The following H2BC18 variants were observed in gnomAD, a reference collection of about 807,000 sequenced individuals.
H2BC18 encodes histone H2B type 2-F.
A neutral mutation model predicts 6.3 loss-of-function variants in H2BC18; 8 were observed. The ratio of observed to expected loss-of-function variants is 1.28; its 90% CI spans 0.75 to 2.31. The LOEUF (loss-of-function observed/expected upper bound fraction) is 2.31. Ranked by LOEUF, H2BC18 falls within the 30% of genes most tolerant of loss-of-function variation. H2BC18 has a pLI of 0.00. For synonymous variants in H2BC18, 104 were observed against 78.1 expected (o/e 1.33, Z -1.75); for missense variants, 106 against 174.5 (o/e 0.61, Z 2.21).
chr1:149,793,565 G>A lies in H2BC18; in HGVS notation c.378-10305C>T, dbSNP rs186442935. ...GGGTCGGACTTAGAGGGGTGGTGGG[G>A]TGGAGGAATCTTTCTTCTCCCTGGG... On this transcript the variant is annotated intron_variant, in intron 1 of 1. Transcript: ENST00000545683. Among the ~76,000 whole-genome samples the A allele has an allele frequency of 5.9e-5, 9 of 152,130 alleles. No homozygotes were observed. In the East Asian group the frequency reaches 1.7e-3, roughly 29 times the overall value.
At chr1:149,793,895 A>G (rs2091769111) in intron 1 of H2BC18, 2 of 1,286,416 alleles carry the variant, frequency 1.6e-6, no homozygotes, top group South Asian at 1.2e-5. Flanking sequence ...AGTTGGGTCC[A>G]TTCTGGATCT....
chr1:149,801,698 C>G (rs1276267818), intron 1 of H2BC18, among the ~76,000 whole-genome samples: 1 of 150,296 alleles, frequency 6.7e-6, no homozygotes, highest in Admixed American at 6.6e-5. Flanking sequence ...TCTACCCTGC[C>G]AGGAGGGCCA....
chr1:149,811,768 G>A (rs1468841015), downstream of H2BC18: 16 of 678,782 alleles, frequency 2.4e-5, no homozygotes, highest in Non-Finnish European at 4.0e-5. Flanking sequence ...AGGACTACAG[G>A]AAACTCCTTA....
At chr1:149,798,612 C>T (rs1166888058) in intron 1 of H2BC18, among the ~76,000 whole-genome samples, 4 of 148,878 alleles carry the variant, frequency 2.7e-5, no homozygotes, top group Non-Finnish European at 6.0e-5. Flanking sequence ...ATTTTTAAAC[C>T]GACTTTAAAA....
Position 149,812,358 on chromosome 1 carries a change from A to G in H2BC18, c.-35T>C, listed in dbSNP as rs1553754691. 2 of 1,613,976 alleles carry G rather than the reference A, an allele frequency of 1.2e-6. No individual in the cohort carries two copies. Among genetic ancestry groups the G allele is most frequent in the Non-Finnish European group, 1.7e-6 (2 of 1,179,940 alleles). On this transcript the variant is annotated 5_prime_UTR_variant, in exon 1 of 1. Transcript: ENST00000369167. ...AAAAAAGAGAAAAGAGACTTAAAGAAGTAATCCGAACTACCGCAAAACGGG... is the reference window on the plus strand; with the variant it reads ...AAAAAAGAGAAAAGAGACTTAAAGAGGTAATCCGAACTACCGCAAAACGGG...
At chr1:149,806,513 A>G (rs3106120) in intron 1 of H2BC18, among the ~76,000 whole-genome samples, 256 of 152,102 alleles carry the variant, frequency 1.7e-3, no homozygotes, top group Non-Finnish European at 3.0e-3. Context: ...GCTTGAACCC[A>G]GGAGGTGGAG....
rs1302382675 is a variant in H2BC18 at position 149,812,123 on chromosome 1, G to A, written c.201C>T (p.Val67=). The change falls in exon 1 of 1, where the codon GTC becomes GTT. Residue 67 remains valine, a synonymous_variant. Transcript: ENST00000369167. ...SKAMGIMNSF[V]NDIFERIAGE... ...CCGCGATGCGCTCGAAGATGTCGTT[G>A]ACGAAGGAGTTCATGATGCCCATGG... The A allele has an allele frequency of 7.4e-6, 12 of 1,614,168 alleles. No homozygotes were observed. In the South Asian group the frequency reaches 8.8e-5, roughly 12 times the overall value.
intron 1 of H2BC18, among the ~76,000 whole-genome samples, chr1:149,804,853 T>C (rs1451116014): frequency 6.6e-6 from 1 of 151,898 alleles, no homozygotes; most frequent in Non-Finnish European, 1.5e-5. Context: ...TCAAAGCTGA[T>C]GTTCATCGCC....
In H2BC18 at chr1:149,793,897, T is replaced by C. The variant is rs189462994; in HGVS notation, c.378-10637A>G. 68 of 1,286,400 alleles carry C rather than the reference T, an allele frequency of 5.3e-5. No individual in the cohort carries two copies. In the African/African-American group the frequency reaches 8.7e-4, roughly 16 times the overall value. 79.7% of individuals were successfully genotyped at this position (1,286,400 alleles called of 1,614,324 possible). A position where few individuals can be genotyped will look rare whatever the true frequency, so the allele number is the denominator to read the frequency against. ...GTAAAACAGGAAGAGTTGGGTCCAT[T>C]CTGGATCTTTCCTAGCTAAATGCCT... On this transcript the variant is annotated intron_variant, in intron 1 of 1. Coordinates refer to the H2BC18 transcript ENST00000545683.
Position 149,799,480 on chromosome 1 carries a change from ATCC to A in H2BC18, c.377+12464_377+12466del, listed in dbSNP as rs587683818. Reference sequence around the variant, plus strand: ...TGTATGCATTTAGATCCTGTGAAATATCCTCCTTTTATTCCTTTATTTTCTCAT... The same window carrying A: ...TGTATGCATTTAGATCCTGTGAAATATCCTTTTATTCCTTTATTTTCTCAT... On this transcript the variant is annotated intron_variant, in intron 1 of 1. Coordinates refer to the H2BC18 transcript ENST00000545683. 7.2e-3 allele frequency among the ~76,000 whole-genome samples: 1,093 copies of A among 152,132 alleles called. 7 individuals carry two copies. Among genetic ancestry groups the A allele is most frequent in the African/African-American group, 0.022 (927 of 41,492 alleles).
At chr1:149,802,652 G>T (rs1214321203) in intron 1 of H2BC18, among the ~76,000 whole-genome samples, 1 of 152,222 alleles carries the variant, frequency 6.6e-6, no homozygotes, top group African/African-American at 2.4e-5. Context: ...AGCTGAGGAA[G>T]AAAGAAGCCA....
intron 1 of H2BC18, among the ~76,000 whole-genome samples, chr1:149,802,837 C>T (rs1438880783): frequency 1.3e-5 from 2 of 152,150 alleles, no homozygotes; most frequent in Non-Finnish European, 2.9e-5. Flanking sequence ...TGGATGGAGG[C>T]ATCCAGCACA....
chr1:149,788,281 A>G (rs1206605978), intron 1 of H2BC18: 2 of 1,609,530 alleles, frequency 1.2e-6, no homozygotes, highest in Non-Finnish European at 1.7e-6. Context: ...TGCAAGGAGA[A>G]AAAATAGGAA....
rs1389151723 is a variant in H2BC18 at position 149,811,970 on chromosome 1, C to T, written c.354G>A (p.Ala118=). The change falls in exon 1 of 1, where the codon GCG becomes GCA. Residue 118 remains alanine (A), a synonymous_variant. Transcript: ENST00000369167. ...ACTTCGAGCTGGTGTACTTGGTGACCGCCTTGGTGCCCTCGGACACGGCGT... is the reference window on the plus strand; with the variant it reads ...ACTTCGAGCTGGTGTACTTGGTGACTGCCTTGGTGCCCTCGGACACGGCGT... ...AKHAVSEGTK[A]VTKYTSSK is the part of the protein sequence containing the mutation. The T allele has an allele frequency of 2.5e-6, 4 of 1,613,570 alleles. No homozygotes were observed. The highest frequency in any genetic ancestry group is 1.3e-5 in the African/African-American group (1 of 74,930).
intron 1 of H2BC18, among the ~76,000 whole-genome samples, chr1:149,798,890 T>C (rs1262374949): frequency 6.6e-6 from 1 of 151,868 alleles, no homozygotes; most frequent in Non-Finnish European, 1.5e-5. Context: ...CAGGATTACA[T>C]GTGTGACCCA....
Position 149,788,173 on chromosome 1 carries a change from A to C in H2BC18, c.378-4913T>G, listed in dbSNP as rs587690279. On this transcript the variant is annotated intron_variant, in intron 1 of 1. Transcript: ENST00000545683. ...GAAGATAAGAAAGGGCTGTGTACGCAGTTGCCAGTAAAGATTGCTTTTCTT... is the reference window on the plus strand; with the variant it reads ...GAAGATAAGAAAGGGCTGTGTACGCCGTTGCCAGTAAAGATTGCTTTTCTT... The C allele has an allele frequency of 8.0e-4, 738 of 925,732 alleles. 2 individuals are homozygous for C. The African/African-American group carries it at 0.01, about 13-fold the overall frequency. 57.3% of individuals were successfully genotyped at this position (925,732 alleles called of 1,614,324 possible).
intron 1 of H2BC18, among the ~76,000 whole-genome samples, chr1:149,793,774 G>A (rs1283748082): frequency 6.6e-6 from 1 of 151,790 alleles, no homozygotes; most frequent in East Asian, 1.9e-4. Flanking sequence ...ATTCATCCTA[G>A]GGCCACAAGA....
chr1:149,802,310 T>C (rs1308328650), intron 1 of H2BC18, among the ~76,000 whole-genome samples: 4 of 152,196 alleles, frequency 2.6e-5, no homozygotes, highest in East Asian at 3.9e-4. Context: ...AAAGCAAGTA[T>C]GTTCCTTTGC....
chr1:149,793,162 T>G (rs2091755788), intron 1 of H2BC18: 1 of 1,279,340 alleles, frequency 7.8e-7, no homozygotes, highest in East Asian at 6.1e-5. Context: ...GATTGGTAGA[T>G]CACAGGAAAC....
Sources: allele counts gnomAD v4.1 joint callset (sites outside exome capture counted in the v4.1 genomes callset), GRCh38; gene constraint gnomAD v4.1.1; transcripts MANE v1.5; gene names NCBI Gene and HGNC (gene_info 2026-07-23, HGNC 2026-07-21).